SNX29: variants seen among roughly 807,000 people sequenced by gnomAD.
The protein encoded by SNX29 is sorting nexin-29.
Under a neutral mutation model 102.1 loss-of-function variants are expected in SNX29, and 78 were observed. The ratio of observed to expected loss-of-function variants is 0.76; its 90% CI spans 0.64 to 0.92. The LOEUF is 0.92. Among genes scored for constraint, SNX29 ranks in the 40% least tolerant of loss-of-function variants. The pLI is 0.00. For missense variants in SNX29, 1,280 were observed against 1,061.7 expected (o/e 1.21, Z -2.86); for synonymous variants, 580 against 414.5 (o/e 1.40, Z -4.85).
intron 15 of SNX29, among the ~76,000 whole-genome samples, chr16:12,285,924 C>T (rs527291345): frequency 1.3e-5 from 2 of 152,244 alleles, no homozygotes; most frequent in African/African-American, 2.4e-5. Flanking sequence ...GGTACGATCT[C>T]AGCTCACTAC....
chr16:12,433,674 G>A (rs1396523467), intron 18 of SNX29, among the ~76,000 whole-genome samples: 2 of 151,486 alleles, frequency 1.3e-5, no homozygotes, highest in African/African-American at 4.9e-5. Context: ...GGCGTGGTGG[G>A]CGTGGTGGGC....
chr16:12,304,174 G>GTTTTTTTTTTT, intron 15 of SNX29, among the ~76,000 whole-genome samples: 1 of 147,160 alleles, frequency 6.8e-6, no homozygotes, highest in Non-Finnish European at 1.5e-5. Context: ...TCCTATCACT[G>GTTTTTTTTTTT]TTTTTTGTTT....
At chr16:12,452,634 T>A (rs2086357108) in intron 18 of SNX29, among the ~76,000 whole-genome samples, 1 of 151,796 alleles carries the variant, frequency 6.6e-6, no homozygotes, top group East Asian at 1.9e-4. Context: ...CCTTCTTCAG[T>A]GGATGTGAGG....
intron 20 of SNX29, among the ~76,000 whole-genome samples, chr16:12,549,650 A>C (rs2077840368): frequency 6.6e-6 from 1 of 152,222 alleles, no homozygotes; most frequent in Non-Finnish European, 1.5e-5. Flanking sequence ...TAGCTGCCGA[A>C]ACCAGCTTGA....
chr16:12,241,001 G>A (rs1003735791), intron 14 of SNX29, among the ~76,000 whole-genome samples: 1 of 151,948 alleles, frequency 6.6e-6, no homozygotes, highest in African/African-American at 2.4e-5. Context: ...AATCAAATCC[G>A]GTGACTTTTT....
At chr16:12,435,664 A>C (rs2085501539) in intron 18 of SNX29, among the ~76,000 whole-genome samples, 1 of 152,222 alleles carries the variant, frequency 6.6e-6, no homozygotes, top group Non-Finnish European at 1.5e-5. Context: ...CAGCAGCTGC[A>C]TCCAGTAGCC....
intron 14 of SNX29, among the ~76,000 whole-genome samples, chr16:12,217,537 T>C (rs2077357069): frequency 6.6e-6 from 1 of 152,214 alleles, no homozygotes; most frequent in Admixed American, 6.5e-5. Flanking sequence ...ATCTACCACC[T>C]GTAGTATGTC....
At chr16:12,557,075 C>A (rs1455374647) in intron 20 of SNX29, among the ~76,000 whole-genome samples, 1 of 148,198 alleles carries the variant, frequency 6.7e-6, no homozygotes, top group African/African-American at 2.5e-5. Context: ...TCAGAGTCTG[C>A]CAGGCTCAAG....
At chr16:12,389,551 A>G (rs772783989) in intron 16 of SNX29, among the ~76,000 whole-genome samples, 27 of 152,186 alleles carry the variant, frequency 1.8e-4, no homozygotes, top group Non-Finnish European at 3.8e-4. Flanking sequence ...CTGTGAGTCC[A>G]TTAAACCTCT....
At chr16:12,385,629 G>A (rs897933368) in intron 16 of SNX29, among the ~76,000 whole-genome samples, 1 of 152,200 alleles carries the variant, frequency 6.6e-6, no homozygotes, top group Non-Finnish European at 1.5e-5. Flanking sequence ...CCCACCCTGT[G>A]TGCATCAGCT....
intron 19 of SNX29, among the ~76,000 whole-genome samples, chr16:12,522,058 G>A (rs551488634): frequency 6.6e-5 from 10 of 150,826 alleles, no homozygotes; most frequent in South Asian, 2.1e-4. Flanking sequence ...GAGTGGCCCC[G>A]AGGGGCCCCT....
At chr16:12,156,474 CT>C (rs2055555318) in intron 13 of SNX29, among the ~76,000 whole-genome samples, 1 of 152,212 alleles carries the variant, frequency 6.6e-6, no homozygotes, top group Non-Finnish European at 1.5e-5. Flanking sequence ...GCCCAGCCCT[CT>C]TGGAGTCTTA....
At chr16:12,289,251 C>T (rs2079711183) in intron 15 of SNX29, among the ~76,000 whole-genome samples, 1 of 152,206 alleles carries the variant, frequency 6.6e-6, no homozygotes. Flanking sequence ...TCCGCCCATG[C>T]AGCAGGAGGA....
At chr16:12,155,585 C>A (rs2055512236) in intron 13 of SNX29, among the ~76,000 whole-genome samples, 1 of 152,086 alleles carries the variant, frequency 6.6e-6, no homozygotes, top group African/African-American at 2.4e-5. Context: ...AACTGGGGAC[C>A]AAATGAGAGG....
intron 1 of SNX29, among the ~76,000 whole-genome samples, chr16:11,992,214 A>G (rs1201737872): frequency 2.6e-5 from 4 of 151,984 alleles, no homozygotes; most frequent in Non-Finnish European, 5.9e-5. Context: ...GGACTGCTTG[A>G]GCCCTGGAGT....
At chr16:12,006,808 G>A (rs1466022917) in intron 3 of SNX29, among the ~76,000 whole-genome samples, 1 of 151,936 alleles carries the variant, frequency 6.6e-6, no homozygotes, top group African/African-American at 2.4e-5. Context: ...TTGTAGAGAT[G>A]GGGTCTCACT....
At chr16:12,560,246 A>C (rs1287453772) in intron 20 of SNX29, among the ~76,000 whole-genome samples, 1 of 152,056 alleles carries the variant, frequency 6.6e-6, no homozygotes, top group Non-Finnish European at 1.5e-5. Flanking sequence ...AAAAGCCTGA[A>C]GCTTAAAAAT....
At chr16:12,232,895 T>A (rs1358778410) in intron 14 of SNX29, among the ~76,000 whole-genome samples, 1 of 152,198 alleles carries the variant, frequency 6.6e-6, no homozygotes, top group African/African-American at 2.4e-5. Context: ...CCACCCAGCA[T>A]GGGCTTGGAG....
intron 5 of SNX29, among the ~76,000 whole-genome samples, chr16:12,045,933 A>G (rs1346536597): frequency 6.6e-6 from 1 of 151,958 alleles, no homozygotes; most frequent in East Asian, 1.9e-4. Context: ...CAAGGCAGGC[A>G]TTATATTAAA....
Sources: gnomAD v4.1 joint callset for allele counts (sites outside exome capture counted in the v4.1 genomes callset) on GRCh38, gnomAD v4.1.1 for gene constraint, MANE v1.5 for transcripts, NCBI Gene and HGNC (gene_info 2026-07-23, HGNC 2026-07-21) for gene names.